Variants in MAST2 observed in about 807,000 individuals in gnomAD.
MAST2 encodes microtubule-associated serine/threonine-protein kinase 2.
In MAST2, 70 loss-of-function variants were observed where a neutral mutation model predicts 147.4. The observed-to-expected ratio is 0.47, with a 90% CI of 0.39 to 0.58. MAST2 has a LOEUF of 0.58. Ranked by LOEUF, MAST2 falls within the 20% of genes least tolerant of loss-of-function variation. The probability of loss-of-function intolerance (pLI) is 0.00; values close to 1 mark genes in which losing one functional copy is unlikely to be tolerated. For synonymous variants in MAST2, 869 were observed against 896.8 expected, an observed-to-expected ratio of 0.97 and a Z score of 0.55; for missense variants, 2,080 against 2,302.3, an observed-to-expected ratio of 0.90 and a Z score of 1.98.
chr1:45,855,039 C>T (rs537687692), intron 3 of MAST2, among the ~76,000 whole-genome samples: 1 of 152,172 alleles, frequency 6.6e-6, no homozygotes, highest in Non-Finnish European at 1.5e-5. Flanking sequence ...CTCTCTGAAC[C>T]CTGTACTTCA....
chr1:45,962,460 A>T (rs770251801), intron 5 of MAST2, among the ~76,000 whole-genome samples: 12 of 152,292 alleles, frequency 7.9e-5, no homozygotes, highest in Non-Finnish European at 1.5e-4. Context: ...AATGATCGCC[A>T]TTCTAACTGG....
At chr1:45,964,706 GTC>G (rs781663342) in intron 5 of MAST2, among the ~76,000 whole-genome samples, 9 of 151,950 alleles carry the variant, frequency 5.9e-5, no homozygotes, top group Non-Finnish European at 1.2e-4. Flanking sequence ...GTTTTTTTGT[GTC>G]TCTATCTCCT....
intron 3 of MAST2, among the ~76,000 whole-genome samples, chr1:45,837,988 A>C (rs1475861104): frequency 6.6e-6 from 1 of 151,922 alleles, no homozygotes; most frequent in African/African-American, 2.4e-5. Flanking sequence ...CGTGTTGGTC[A>C]AGCTTGTCTC....
chr1:45,941,817 T>G, intron 4 of MAST2, among the ~76,000 whole-genome samples: 1 of 152,246 alleles, frequency 6.6e-6, no homozygotes, highest in East Asian at 1.9e-4. Context: ...GTCAAATATG[T>G]CTTCTGCATC....
rs536033616 is a variant in MAST2 at position 45,891,331 on chromosome 1, A to C, written c.500+8936A>C. Among the ~76,000 whole-genome samples the C allele has an allele frequency of 2.0e-5, 3 of 152,184 alleles. No individual in the cohort carries two copies. In the South Asian group the frequency reaches 6.2e-4, roughly 32 times the overall value. ...ATGTAGTGAGACCCTGTCTCTGCAA[A>C]AGTTTTTTTAAAAAAATTAGCCAGG... On this transcript the variant is annotated intron_variant, in intron 4 of 28. Coordinates refer to ENST00000361297, the MANE Select transcript of MAST2 (RefSeq NM_015112.3).
intron 2 of MAST2, among the ~76,000 whole-genome samples, chr1:45,825,653 G>A (rs796134730): frequency 6.7e-6 from 1 of 149,142 alleles, no homozygotes; most frequent in African/African-American, 2.5e-5. Context: ...GGCTGCTCTT[G>A]AACTCCTCAC....
chr1:45,854,336 CAAAAA>C (rs61252218), intron 3 of MAST2, among the ~76,000 whole-genome samples: 2 of 128,708 alleles, frequency 1.6e-5, no homozygotes, highest in Non-Finnish European at 3.3e-5. Context: ...CCCTCTGTCT[CAAAAA>C]AAAAAAAAAA....
intron 5 of MAST2, among the ~76,000 whole-genome samples, chr1:45,987,884 A>G (rs753675604): frequency 7.3e-6 from 1 of 137,302 alleles, no homozygotes; most frequent in Non-Finnish European, 1.5e-5. Context: ...TGGTCCTCCC[A>G]CCTTGGTCTC....
chr1:45,883,912 G>GCCTCCCCCCCCC lies in MAST2; in HGVS notation c.500+1519_500+1520insTCCCCCCCCCCC, dbSNP rs59944185. 1.2e-3 allele frequency among the ~76,000 whole-genome samples: 3 copies of GCCTCCCCCCCCC among 2,500 alleles called. 1 individual carries two copies. The highest frequency in any genetic ancestry group is 3.0e-3 in the Non-Finnish European group (3 of 1,002). 1.6% of individuals were successfully genotyped at this position (2,500 alleles called of 152,430 possible). A position where few individuals can be genotyped will look rare whatever the true frequency, so the allele number is the denominator to read the frequency against. On this transcript the variant is annotated intron_variant, in intron 4 of 28. Coordinates refer to ENST00000361297, the MANE Select transcript of MAST2 (RefSeq NM_015112.3). ...ACTTGGTCATTTTTCTACTATTTCT[G>GCCTCCCCCCCCC]CCCCCCCCGCTTTTTTTTGGTTGCT...
chr1:45,998,134 C>T (rs1645131568), intron 6 of MAST2, among the ~76,000 whole-genome samples: 1 of 152,136 alleles, frequency 6.6e-6, no homozygotes. Context: ...CAATTTAGAA[C>T]TGTCCTACAG....
At chr1:45,843,517 A>T (rs1205839379) in intron 3 of MAST2, among the ~76,000 whole-genome samples, 1 of 152,202 alleles carries the variant, frequency 6.6e-6, no homozygotes. Context: ...CAAGAGTTAG[A>T]TGTCCAGAGT....
At chr1:45,843,602 G>A (rs748071904) in intron 3 of MAST2, among the ~76,000 whole-genome samples, 14 of 152,074 alleles carry the variant, frequency 9.2e-5, no homozygotes, top group Non-Finnish European at 1.9e-4. Context: ...AGAGTAAAGA[G>A]AAATAAAAGG....
At chr1:45,963,526 T>C (rs1336388341) in intron 5 of MAST2, among the ~76,000 whole-genome samples, 1 of 152,216 alleles carries the variant, frequency 6.6e-6, no homozygotes, top group Non-Finnish European at 1.5e-5. Context: ...TTTGAAGCAA[T>C]TGTGAATGGG....
At chr1:45,904,901 G>T (rs1455930658) in intron 4 of MAST2, among the ~76,000 whole-genome samples, 1 of 151,922 alleles carries the variant, frequency 6.6e-6, no homozygotes, top group Non-Finnish European at 1.5e-5. Context: ...TCAGCCTCCC[G>T]GGTTCAAGTG....
intron 1 of MAST2, among the ~76,000 whole-genome samples, chr1:45,807,305 C>G (rs780580654): frequency 5.3e-5 from 8 of 152,008 alleles, no homozygotes; most frequent in Non-Finnish European, 1.2e-4. Flanking sequence ...AGGACATGTC[C>G]TCTGTCCTTA....
At chr1:45,951,684 A>C (rs1658951989) in intron 4 of MAST2, among the ~76,000 whole-genome samples, 1 of 152,246 alleles carries the variant, frequency 6.6e-6, no homozygotes, top group African/African-American at 2.4e-5. Flanking sequence ...GGAATAAAAT[A>C]TATGTATTGT....
At chr1:46,008,211 A>G in intron 8 of MAST2, 85 bp from the exon 9 acceptor site, 1 of 820,448 alleles carries the variant, frequency 1.2e-6, no homozygotes, top group Non-Finnish European at 2.1e-6. Flanking sequence ...AGATGGTGGG[A>G]GGGGCAGGGT....
intron 1 of MAST2, among the ~76,000 whole-genome samples, chr1:45,813,982 T>C (rs1335964209): frequency 1.3e-5 from 2 of 152,126 alleles, no homozygotes; most frequent in Non-Finnish European, 2.9e-5. Context: ...GTTGAAAAAT[T>C]TCTATTGCCT....
intron 3 of MAST2, among the ~76,000 whole-genome samples, chr1:45,853,591 T>TG (rs1645692071): frequency 6.6e-6 from 1 of 152,094 alleles, no homozygotes; most frequent in African/African-American, 2.4e-5. Context: ...TGACCTCAAG[T>TG]GATCCACCCA....
Sources: allele counts gnomAD v4.1 joint callset (sites outside exome capture counted in the v4.1 genomes callset), GRCh38; gene constraint gnomAD v4.1.1; transcripts MANE v1.5; gene names NCBI Gene and HGNC (gene_info 2026-07-23, HGNC 2026-07-21).